PPP4R4: variants seen among roughly 807,000 people sequenced by gnomAD.
PPP4R4 encodes serine/threonine-protein phosphatase 4 regulatory subunit 4.
In PPP4R4, 70 loss-of-function variants were observed where a neutral mutation model predicts 121.8. That is an observed-to-expected ratio of 0.57 (90% CI 0.47 to 0.70). The LOEUF is 0.70. PPP4R4 is among the 30% of genes least tolerant of loss of function. The pLI, the probability that PPP4R4 is intolerant of heterozygous loss-of-function variation, is 0.00. For synonymous variants in PPP4R4, 348 were observed against 355.7 expected, an observed-to-expected ratio of 0.98 and a Z score of 0.24; for missense variants, 875 against 1,033.6, an observed-to-expected ratio of 0.85 and a Z score of 2.10.
At chr14:94,255,814 G>A (rs1256098983) in intron 16 of PPP4R4, among the ~76,000 whole-genome samples, 1 of 152,090 alleles carries the variant, frequency 6.6e-6, no homozygotes, top group Non-Finnish European at 1.5e-5. Flanking sequence ...TCACCCCTCT[G>A]CTGAAAACCT....
rs1302860199 is a variant in PPP4R4, at chr14:94,230,685, C to G, written c.393C>G (p.Thr131=). 1 of 1,613,032 alleles carries G rather than the reference C, an allele frequency of 6.2e-7. No homozygotes were observed. Among genetic ancestry groups the G allele is most frequent in the Non-Finnish European group, 8.5e-7 (1 of 1,179,178 alleles). Residue 131 remains threonine (T), a synonymous_variant, in exon 4 of 25, where the codon ACC becomes ACG. Coordinates refer to ENST00000304338, the MANE Select transcript of PPP4R4 (RefSeq NM_058237.2). ...QDESVSIHAY[T]HSFLQVILLH... is the part of the protein sequence containing the mutation. ...AATCAGTGTCAATTCATGCATATAC[C>G]CACTCATTCCTCCAAGTCATTCTCC...
intron 24 of PPP4R4, 68 bp downstream of exon 24, chr14:94,275,589 C>T (rs928782520): frequency 6.6e-7 from 1 of 1,512,752 alleles, no homozygotes; most frequent in Non-Finnish European, 9.1e-7. Flanking sequence ...CTTTCCTTCC[C>T]ACTTAAGTAC....
At chr14:94,277,012 G>A (rs949186993) in intron 24 of PPP4R4, among the ~76,000 whole-genome samples, 6 of 152,146 alleles carry the variant, frequency 3.9e-5, no homozygotes, top group Admixed American at 3.3e-4. Context: ...TAAAAGTCAT[G>A]AAAGTGCCAG....
rs148627484 is a variant in PPP4R4 at position 94,177,540 on chromosome 14, A to T, written c.191+1413A>T. ...GTAGAAAATTGATGAAAGTGTGGAC[A>T]AATGTGTTTTAATCTACAACAGTTA... On this transcript the variant is annotated intron_variant, in intron 2 of 24. Transcript: ENST00000304338. 6.5e-3 allele frequency among the ~76,000 whole-genome samples: 997 copies of T among 152,350 alleles called. 18 individuals are homozygous for T. The highest frequency in any genetic ancestry group is 0.023 in the African/African-American group (940 of 41,578).
chr14:94,216,760 G>A (rs149739669), intron 3 of PPP4R4, among the ~76,000 whole-genome samples: 39 of 152,270 alleles, frequency 2.6e-4, no homozygotes, highest in African/African-American at 8.9e-4. Context: ...CCATTGCTTT[G>A]ATGAGTTTGG....
intron 2 of PPP4R4, among the ~76,000 whole-genome samples, chr14:94,197,183 T>G (rs893596137): frequency 5.9e-5 from 9 of 152,180 alleles, no homozygotes; most frequent in Admixed American, 1.3e-4. Context: ...TTCCCAGAAT[T>G]TTTCTTCATC....
chr14:94,243,530 A>AT (rs1595517208), intron 11 of PPP4R4, among the ~76,000 whole-genome samples: 2 of 151,982 alleles, frequency 1.3e-5, no homozygotes, highest in Admixed American at 6.6e-5. Flanking sequence ...TAGACTTTCT[A>AT]TTTTTTTCTC....
At chr14:94,217,377 G>C (rs1400550035) in intron 3 of PPP4R4, among the ~76,000 whole-genome samples, 11 of 152,172 alleles carry the variant, frequency 7.2e-5, no homozygotes, top group Admixed American at 2.6e-4. Flanking sequence ...TAACTAGACT[G>C]GTTATTCAAC....
At chr14:94,187,306 G>A (rs759249305) in intron 2 of PPP4R4, among the ~76,000 whole-genome samples, 2 of 151,218 alleles carry the variant, frequency 1.3e-5, no homozygotes, top group Admixed American at 6.6e-5. Flanking sequence ...ACTCTGTCTC[G>A]GAAAAAAAAG....
intron 24 of PPP4R4, among the ~76,000 whole-genome samples, chr14:94,276,380 C>G (rs1894639964): frequency 6.6e-6 from 1 of 152,130 alleles, no homozygotes; most frequent in South Asian, 2.1e-4. Flanking sequence ...TAAAGAAATA[C>G]CTGGGCCTGG....
intron 11 of PPP4R4, 47 bp from the exon 12 acceptor site, chr14:94,244,588 T>A (rs1440874390): frequency 4.4e-6 from 6 of 1,355,234 alleles, no homozygotes; most frequent in Non-Finnish European, 5.9e-6. Context: ...GTAACCTGTA[T>A]CTGTCTAGTA....
At chr14:94,237,867 C>T (rs1003318719) in intron 8 of PPP4R4, among the ~76,000 whole-genome samples, 181 bp downstream of exon 8, 11 of 152,130 alleles carry the variant, frequency 7.2e-5, no homozygotes, top group South Asian at 2.1e-4. Context: ...CTCATGGTGT[C>T]GTAGTCCATT....
At chr14:94,183,522 TC>T (rs1232169192) in intron 2 of PPP4R4, among the ~76,000 whole-genome samples, 4 of 152,216 alleles carry the variant, frequency 2.6e-5, no homozygotes, top group Non-Finnish European at 5.9e-5. Flanking sequence ...GGAGATTGTT[TC>T]CCATCTCTGT....
intron 23 of PPP4R4, among the ~76,000 whole-genome samples, chr14:94,274,903 G>T (rs754910978): frequency 3.9e-5 from 6 of 152,106 alleles, no homozygotes; most frequent in Non-Finnish European, 8.8e-5. Flanking sequence ...TCTATCAACA[G>T]ATATTATGGG....
intron 2 of PPP4R4, among the ~76,000 whole-genome samples, chr14:94,189,707 C>T (rs753923634): frequency 2.6e-5 from 4 of 152,186 alleles, no homozygotes; most frequent in Non-Finnish European, 4.4e-5. Flanking sequence ...TCAATGTGCT[C>T]GAAACTGCAT....
At chr14:94,200,999 C>G (rs1460357296) in intron 2 of PPP4R4, among the ~76,000 whole-genome samples, 4 of 152,074 alleles carry the variant, frequency 2.6e-5, no homozygotes, top group Non-Finnish European at 5.9e-5. Flanking sequence ...CGCTTTTGCT[C>G]TATCCCAGTG....
rs1250572196 is a variant in PPP4R4, at chr14:94,234,671, TAG to T, written c.731+3_731+4del. The T allele has an allele frequency of 5.8e-6, 9 of 1,556,782 alleles. No homozygotes were observed. Among genetic ancestry groups the T allele is most frequent in the Non-Finnish European group, 7.1e-6 (8 of 1,128,934 alleles). ...AGAAAATATAGCCCAGGGCATTGGG[TAG>T]GTATACTTTGAATTCCTTATGCCAT... is the stretch of plus-strand genomic sequence containing the variant. On this transcript the variant is annotated splice_donor_region_variant and intron_variant, in intron 7 of 24. Transcript: ENST00000304338.
At chr14:94,233,861 A>G in intron 6 of PPP4R4, 102 bp downstream of exon 6, 1 of 772,112 alleles carries the variant, frequency 1.3e-6, no homozygotes, top group African/African-American at 1.8e-5. Context: ...CTGCATACAA[A>G]TTTAGTTATC....
intron 17 of PPP4R4, 65 bp downstream of exon 17, chr14:94,256,669 CT>C: frequency 7.2e-7 from 1 of 1,397,682 alleles, no homozygotes; most frequent in South Asian, 1.4e-5. Flanking sequence ...CTTAGCTTCA[CT>C]ATTTCAGCTT....
Sources: allele counts gnomAD v4.1 joint callset (sites outside exome capture counted in the v4.1 genomes callset), GRCh38; gene constraint gnomAD v4.1.1; transcripts MANE v1.5; gene names NCBI Gene and HGNC (gene_info 2026-07-23, HGNC 2026-07-21).